NDE1: variants seen among roughly 807,000 people sequenced by gnomAD.
NDE1 encodes nuclear distribution protein nudE homolog 1.
A neutral mutation model predicts 43.4 loss-of-function variants in NDE1; 28 were observed. The ratio of observed to expected loss-of-function variants is 0.65; its 90% CI spans 0.48 to 0.89. NDE1 has a LOEUF of 0.89. Among genes scored for constraint, NDE1 ranks in the 40% least tolerant of loss-of-function variants. The pLI, the probability that NDE1 is intolerant of heterozygous loss-of-function variation, is 0.00. For missense variants in NDE1, 441 were observed against 434.1 expected, an observed-to-expected ratio of 1.02 and a Z score of -0.14; for synonymous variants, 184 against 172.0, an observed-to-expected ratio of 1.07 and a Z score of -0.55.
rs199761369 is a variant in NDE1, at chr16:15,706,404, GGT to G, written c.947+9545_947+9546del. On this transcript the variant is annotated intron_variant, in intron 8 of 8. Coordinates refer to ENST00000396354, the MANE Select transcript of NDE1 (RefSeq NM_017668.3). ...TCTCTTCGTCACAGTTTTAACTCCA[GGT>G]TCAAACCCTGATGGGTTGGCCAGTT... 9.0e-3 allele frequency among the ~76,000 whole-genome samples: 1,369 copies of G among 152,244 alleles called. 69 individuals carry two copies. The highest frequency in any genetic ancestry group is 0.081 in the Admixed American group (1,234 of 15,274).
At chr16:15,687,313 C>T (rs190794454) in intron 4 of NDE1, 62 bp from the exon 5 acceptor site, 135 of 1,612,150 alleles carry the variant, frequency 8.4e-5, no homozygotes, top group East Asian at 8.0e-4. Flanking sequence ...CTCCTGGATC[C>T]GCGGTGCTGG....
rs869069843 is a variant in NDE1, at chr16:15,690,353, C to CTTTTTTTT, written c.524-770_524-763dup. On this transcript the variant is annotated intron_variant, in intron 5 of 8. Transcript: ENST00000396354. ...GCAACTGGCCTTTTTTTTTTTTTTT[C>CTTTTTTTT]TTTTTTTTTTTTTTTTTTTTTTTTT... Among the ~76,000 whole-genome samples, 187 of 81,006 alleles carry CTTTTTTTT rather than the reference C, an allele frequency of 2.3e-3. 6 individuals are homozygous for CTTTTTTTT. Among genetic ancestry groups the CTTTTTTTT allele is most frequent in the Non-Finnish European group, 2.8e-3 (129 of 46,376 alleles). The allele number at this position is 81,006 out of a possible 152,430, so 53.1% of individuals were successfully genotyped here. A position where few individuals can be genotyped will look rare whatever the true frequency, so the allele number is the denominator to read the frequency against.
intron 8 of NDE1, among the ~76,000 whole-genome samples, chr16:15,710,277 CT>C (rs1221214033): frequency 6.6e-6 from 1 of 152,122 alleles, no homozygotes; most frequent in Non-Finnish European, 1.5e-5. Context: ...AACCCCAGCA[CT>C]TTGGGAGACC....
chr16:15,710,688 GT>G (rs202074294), intron 8 of NDE1, among the ~76,000 whole-genome samples: 16 of 147,608 alleles, frequency 1.1e-4, no homozygotes, highest in African/African-American at 3.2e-4. Flanking sequence ...TTTGTTTTTT[GT>G]TTTTTTTTTG....
At chr16:15,653,674 C>T (rs1337661361) in intron 1 of NDE1, among the ~76,000 whole-genome samples, 1 of 146,964 alleles carries the variant, frequency 6.8e-6, no homozygotes, top group Non-Finnish European at 1.5e-5. Flanking sequence ...TATTTTCAGA[C>T]TTTTTTGTTA....
intron 1 of NDE1, among the ~76,000 whole-genome samples, chr16:15,660,700 G>T (rs1037335866): frequency 2.0e-5 from 3 of 151,986 alleles, no homozygotes; most frequent in Admixed American, 6.6e-5. Flanking sequence ...TGCTCACACC[G>T]CCAGTGACCG....
Position 15,721,457 on chromosome 16 carries a change from C to T in NDE1, c.948-2734C>T, listed in dbSNP as rs200909802. On this transcript the variant is annotated intron_variant, in intron 8 of 8. Coordinates refer to ENST00000396354, the MANE Select transcript of NDE1 (RefSeq NM_017668.3). ...ACGTCATCCTTGGAGCTGACCAGGTCTTCCATTTCGGCTTTGAGCATTTTG... is the reference window on the plus strand; with the variant it reads ...ACGTCATCCTTGGAGCTGACCAGGTTTTCCATTTCGGCTTTGAGCATTTTG... 21 of 1,614,224 alleles carry T rather than the reference C, an allele frequency of 1.3e-5. No homozygotes were observed. Among genetic ancestry groups the T allele is most frequent in the Non-Finnish European group, 1.8e-5 (21 of 1,180,044 alleles).
chr16:15,709,962 G>T (rs1173360320), intron 8 of NDE1, among the ~76,000 whole-genome samples: 2 of 152,184 alleles, frequency 1.3e-5, no homozygotes, highest in Admixed American at 6.5e-5. Flanking sequence ...CTGGCTGATA[G>T]AACTTGGTGA....
At chr16:15,697,045 TAG>T (rs1177573040) in intron 8 of NDE1, 185 bp downstream of exon 8, 2 of 1,508,658 alleles carry the variant, frequency 1.3e-6, no homozygotes, top group African/African-American at 1.4e-5. Context: ...AACAAAGGGC[TAG>T]AGAGAGGGTC....
At chr16:15,696,960 T>A (rs1194315201) in intron 8 of NDE1, 100 bp downstream of exon 8, 1 of 1,552,220 alleles carries the variant, frequency 6.4e-7, no homozygotes, top group African/African-American at 1.4e-5. Flanking sequence ...CTTTTTAAAT[T>A]ATAGGATTAT....
intron 1 of NDE1, among the ~76,000 whole-genome samples, chr16:15,658,164 G>A (rs1288774055): frequency 6.6e-6 from 1 of 152,106 alleles, no homozygotes; most frequent in South Asian, 2.1e-4. Flanking sequence ...GATGACCACC[G>A]GCAGTTTCAG....
At position 15,724,595 on chromosome 16, in the gene NDE1, C is replaced by T. The variant is rs886051745; in HGVS notation, c.*344C>T. The stretch of plus-strand genomic sequence containing the variant: ...GCGATCTGCCTGCGGGGGATCTCAG[C>T]GCAGAGAAGTTGAGAGGACCCATGA... On this transcript the variant is annotated 3_prime_UTR_variant, in exon 9 of 9. Coordinates refer to ENST00000396354, the MANE Select transcript of NDE1 (RefSeq NM_017668.3). 228 of 1,612,196 alleles carry T rather than the reference C, an allele frequency of 1.4e-4. 4 individuals are homozygous for T. In the East Asian group the frequency reaches 4.8e-3, roughly 34 times the overall value.
At position 15,725,073 on chromosome 16, in the gene NDE1, A is replaced by C; in HGVS notation, c.*822A>C. 3 of 1,112,708 alleles carry C rather than the reference A, an allele frequency of 2.7e-6. No individual in the cohort carries two copies. Among genetic ancestry groups the C allele is most frequent in the Non-Finnish European group, 4.0e-6 (3 of 750,492 alleles). The allele number at this position is 1,112,708 out of a possible 1,614,324, so 68.9% of individuals were successfully genotyped here. On this transcript the variant is annotated 3_prime_UTR_variant, in exon 9 of 9. Transcript: ENST00000396354. ...AAGGAGCCCTTTTTACTCAAAACAC[A>C]TGGGCTAGTACTTGAGGTGTTCACT...
intron 4 of NDE1, chr16:15,686,994 G>T (rs2038470365): frequency 1.0e-6 from 1 of 985,280 alleles, no homozygotes; most frequent in African/African-American, 1.7e-5. Flanking sequence ...ACCTTGCCCA[G>T]TCATATTAGG....
At chr16:15,690,337 CTTTTTTTTTTTTTTTCTTTTTT>C (rs2038674871) in intron 5 of NDE1, among the ~76,000 whole-genome samples, 8 of 74,108 alleles carry the variant, frequency 1.1e-4, no homozygotes, top group Non-Finnish European at 2.7e-5. Context: ...TGCAACTGGC[CTTTTTTTTTTTTTTTCTTTTTT>C]TTTTTTTTTT....
At chr16:15,657,068 A>G (rs2036805586) in intron 1 of NDE1, among the ~76,000 whole-genome samples, 2 of 150,756 alleles carry the variant, frequency 1.3e-5, no homozygotes, top group Non-Finnish European at 1.5e-5. Context: ...TGGGACTGAG[A>G]CTGCCCTCAA....
At chr16:15,719,488 G>C in intron 8 of NDE1, 4 of 1,583,110 alleles carry the variant, frequency 2.5e-6, no homozygotes, top group East Asian at 2.2e-5. Flanking sequence ...CCCCAGAGGA[G>C]GACGAAATGA....
intron 1 of NDE1, among the ~76,000 whole-genome samples, chr16:15,653,795 T>A (rs1811034607): frequency 6.6e-6 from 1 of 151,448 alleles, no homozygotes; most frequent in African/African-American, 2.4e-5. Context: ...TGGGGCGATC[T>A]CGGCTCACTG....
chr16:15,693,371 G>A (rs977600067), intron 6 of NDE1, among the ~76,000 whole-genome samples: 2 of 152,144 alleles, frequency 1.3e-5, no homozygotes, highest in African/African-American at 2.4e-5. Context: ...GGAGAAGAGA[G>A]GCTCTGCAGA....
Sources: allele counts gnomAD v4.1 joint callset (sites outside exome capture counted in the v4.1 genomes callset), GRCh38; gene constraint gnomAD v4.1.1; transcripts MANE v1.5; gene names NCBI Gene and HGNC (gene_info 2026-07-23, HGNC 2026-07-21).